KIF1B: variants seen among roughly 807,000 people sequenced by gnomAD.
KIF1B encodes the protein kinesin-like protein KIF1B.
In KIF1B, 76 loss-of-function variants were observed where a neutral mutation model predicts 241.9. The ratio of observed to expected loss-of-function variants is 0.31; its 90% CI spans 0.26 to 0.38. The LOEUF (loss-of-function observed/expected upper bound fraction) is 0.38, where lower values mean the gene tolerates loss of function less well. Among genes scored for constraint, KIF1B ranks in the 10% least tolerant of loss-of-function variants. KIF1B has a pLI of 1.00. For synonymous variants in KIF1B, 750 were observed against 796.7 expected (o/e 0.94, Z 0.99); for missense variants, 1,622 against 2,271.4 (o/e 0.71, Z 5.81).
chr1:10,218,442 A>T (rs1430056782), intron 1 of KIF1B, among the ~76,000 whole-genome samples: 2 of 150,064 alleles, frequency 1.3e-5, no homozygotes, highest in African/African-American at 2.5e-5. Flanking sequence ...TTTTTTTGAG[A>T]CAGAGTCTCG....
intron 23 of KIF1B, among the ~76,000 whole-genome samples, chr1:10,321,364 A>C (rs1391196128): frequency 1.3e-5 from 2 of 152,184 alleles, no homozygotes; most frequent in South Asian, 2.1e-4. Flanking sequence ...TCTGCCTTCC[A>C]AAGTGCTGGG....
intron 32 of KIF1B, 97 bp from the exon 33 acceptor site, chr1:10,341,953 A>G (rs1173323306): frequency 9.0e-6 from 2 of 222,230 alleles, no homozygotes; most frequent in African/African-American, 1.3e-4. Context: ...CCTTGCCTCA[A>G]AAAAAAAAAA....
intron 1 of KIF1B, among the ~76,000 whole-genome samples, chr1:10,213,896 G>A (rs1385626262): frequency 6.6e-6 from 1 of 151,990 alleles, no homozygotes; most frequent in Non-Finnish European, 1.5e-5. Context: ...CAGTGCTTTG[G>A]GAGGCTGAGG....
chr1:10,240,027 A>G (rs924513838), intron 2 of KIF1B, among the ~76,000 whole-genome samples: 1 of 151,956 alleles, frequency 6.6e-6, no homozygotes, highest in African/African-American at 2.4e-5. Flanking sequence ...CGGCCTCCCA[A>G]AGTGTTGGGA....
At chr1:10,280,612 CAT>C (rs1238615602) in intron 14 of KIF1B, among the ~76,000 whole-genome samples, 1 of 152,168 alleles carries the variant, frequency 6.6e-6, no homozygotes, top group Non-Finnish European at 1.5e-5. Context: ...AGAAACCAAA[CAT>C]AGCCCTGGCT....
In KIF1B at chr1:10,267,451, T is replaced by C. The variant is rs757889951; in HGVS notation, c.501T>C (p.Arg167=). Residue 167 remains arginine (R), a synonymous_variant, in exon 6 of 49, where the codon CGT becomes CGC. Coordinates refer to ENST00000676179, the MANE Select transcript of KIF1B (RefSeq NM_001365951.3). ...ATCCAAAAAACAAGGGTAATTTGCG[T>C]GTGCGTGAACACCCACTTCTTGGAC... ...LLNPKNKGNL[R]VREHPLLGPY... 6.2e-7 allele frequency: 1 copy of C among 1,614,194 alleles called. No individual in the cohort carries two copies. The highest frequency in any genetic ancestry group is 1.3e-5 in the African/African-American group (1 of 75,058).
intron 44 of KIF1B, among the ~76,000 whole-genome samples, chr1:10,370,017 G>C (rs1252034521): frequency 6.6e-6 from 1 of 152,120 alleles, no homozygotes; most frequent in Non-Finnish European, 1.5e-5. Flanking sequence ...ACTTTGGGAG[G>C]CCGAGGTGGG....
At chr1:10,224,651 T>G (rs1343677860) in intron 1 of KIF1B, among the ~76,000 whole-genome samples, 1 of 152,186 alleles carries the variant, frequency 6.6e-6, no homozygotes, top group Non-Finnish European at 1.5e-5. Flanking sequence ...CTTGAACTTC[T>G]GGCCTCAAGC....
intron 2 of KIF1B, among the ~76,000 whole-genome samples, chr1:10,252,564 A>G (rs1382640350): frequency 6.6e-6 from 1 of 151,210 alleles, no homozygotes; most frequent in Non-Finnish European, 1.5e-5. Flanking sequence ...GGCACACACC[A>G]CCATGCCTAG....
At position 10,378,584 on chromosome 1, in the gene KIF1B, T is replaced by C. The variant is rs886044997; in HGVS notation, c.*1997T>C. 159 of 610,046 alleles carry C rather than the reference T, an allele frequency of 2.6e-4. 1 individual carries two copies. The highest frequency in any genetic ancestry group is 4.1e-5 in the Non-Finnish European group (14 of 339,366). 37.8% of individuals were successfully genotyped at this position (610,046 alleles called of 1,614,324 possible). A position where few individuals can be genotyped will look rare whatever the true frequency, so the allele number is the denominator to read the frequency against. On this transcript the variant is annotated 3_prime_UTR_variant, in exon 49 of 49. Transcript: ENST00000676179. Reference sequence around the variant, plus strand: ...ACTTGGTGAGTCCTCGGCCTTGAGGTTGCTGACTCTCAGGCGTTAGGCAGC... The same window carrying C: ...ACTTGGTGAGTCCTCGGCCTTGAGGCTGCTGACTCTCAGGCGTTAGGCAGC...
intron 8 of KIF1B, 152 bp from the exon 9 acceptor site, chr1:10,272,089 T>A (rs1449455168): frequency 4.7e-6 from 3 of 640,240 alleles, no homozygotes; most frequent in Middle Eastern, 4.3e-4. Flanking sequence ...TATTATCAAG[T>A]GGAAAAGAGG....
chr1:10,227,860 C>T (rs2102118808), intron 1 of KIF1B: 1 of 154,502 alleles, frequency 6.5e-6, no homozygotes, highest in South Asian at 2.0e-4. Flanking sequence ...TTCATTTCTT[C>T]TGCATTTATT....
At chr1:10,224,034 C>T (rs1384949551) in intron 1 of KIF1B, among the ~76,000 whole-genome samples, 1 of 152,152 alleles carries the variant, frequency 6.6e-6, no homozygotes, top group Non-Finnish European at 1.5e-5. Flanking sequence ...AACTCCTGAG[C>T]TCAAGCCATC....
Position 10,342,181 on chromosome 1 carries a change from TAA to T in KIF1B, c.3632+14_3632+15del. On this transcript the variant is annotated intron_variant, in intron 33 of 48. Transcript: ENST00000676179. ...AGGAGCTTAACAGGTTTGGACCAGATAAGCAAACATTTTTGATGGTATTGTTT... is the reference window on the plus strand; with the variant it reads ...AGGAGCTTAACAGGTTTGGACCAGATGCAAACATTTTTGATGGTATTGTTT... The T allele has an allele frequency of 1.4e-6, 2 of 1,479,300 alleles. No individual in the cohort carries two copies. The highest frequency in any genetic ancestry group is 1.9e-6 in the Non-Finnish European group (2 of 1,056,894). 91.6% of individuals were successfully genotyped at this position (1,479,300 alleles called of 1,614,324 possible).
chr1:10,289,283 G>A lies in KIF1B; in HGVS notation c.1435-1799G>A, dbSNP rs150220515. Among the ~76,000 whole-genome samples the A allele has an allele frequency of 5.9e-5, 9 of 152,204 alleles. No individual in the cohort carries two copies. The East Asian group carries it at 1.5e-3, about 26-fold the overall frequency. On this transcript the variant is annotated intron_variant, in intron 15 of 48. Transcript: ENST00000676179. Reference sequence around the variant, plus strand: ...GAGACCTGTGAATACTCCAGTTCTAGCTCTTAGTACACTGTTCTCTTATCT... The same window carrying A: ...GAGACCTGTGAATACTCCAGTTCTAACTCTTAGTACACTGTTCTCTTATCT...
chr1:10,221,362 G>T (rs1052005282), intron 1 of KIF1B, among the ~76,000 whole-genome samples: 3 of 151,906 alleles, frequency 2.0e-5, no homozygotes, highest in African/African-American at 7.2e-5. Flanking sequence ...CCTCCCAAAG[G>T]GCTGGGATTA....
chr1:10,256,274 A>G lies in KIF1B; in HGVS notation c.134A>G (p.Glu45Gly). Residue 45 changes from glutamate to glycine, a missense_variant, in exon 3 of 49, where the codon GAA (glutamate) becomes GGA (glycine). Glu to Gly is a moderately conservative substitution (Grantham distance 98). Coordinates refer to ENST00000676179, the MANE Select transcript of KIF1B (RefSeq NM_001365951.3). ...ATTATTAACCCAAAGAATCCAAAGG[A>G]AGCTCCAAAGTCCTTCAGCTTCGAC... is the stretch of plus-strand genomic sequence containing the variant. ...TSIINPKNPK[E>G]APKSFSFDYS... The G allele has an allele frequency of 6.2e-7, 1 of 1,612,104 alleles. No homozygotes were observed. The highest frequency in any genetic ancestry group is 8.5e-7 in the Non-Finnish European group (1 of 1,178,094).
chr1:10,279,003 C>T lies in KIF1B; in HGVS notation c.1181-94C>T, dbSNP rs943282921. Reference sequence around the variant, plus strand: ...ATTCTAAGTATTAACTTTTCCATCTCCCCAAATGCCAAAAACTGCTCTGTT... The same window carrying T: ...ATTCTAAGTATTAACTTTTCCATCTTCCCAAATGCCAAAAACTGCTCTGTT... On this transcript the variant is annotated intron_variant, in intron 13 of 48. Transcript: ENST00000676179. 10 of 787,030 alleles carry T rather than the reference C, an allele frequency of 1.3e-5. No individual in the cohort carries two copies. In the African/African-American group the frequency reaches 1.5e-4, roughly 12 times the overall value. The allele number at this position is 787,030 out of a possible 1,614,324, so 48.8% of individuals were successfully genotyped here.
At chr1:10,296,862 T>A (rs1474872280) in intron 20 of KIF1B, 35 bp from the exon 21 acceptor site, 3 of 1,589,816 alleles carry the variant, frequency 1.9e-6, no homozygotes, top group Admixed American at 1.7e-5. Flanking sequence ...ATTAAAAAAA[T>A]TATTTCTTAA....
Sources: gnomAD v4.1 joint callset for allele counts (sites outside exome capture counted in the v4.1 genomes callset) on GRCh38, gnomAD v4.1.1 for gene constraint, MANE v1.5 for transcripts, NCBI Gene and HGNC (gene_info 2026-07-23, HGNC 2026-07-21) for gene names.